SLC24A2: variants seen among roughly 807,000 people sequenced by gnomAD.
SLC24A2 encodes sodium/potassium/calcium exchanger 2.
SLC24A2 carries 36 observed loss-of-function variants against 62.0 expected under a neutral mutation model. The ratio of observed to expected loss-of-function variants is 0.58; its 90% CI spans 0.44 to 0.77. The LOEUF (loss-of-function observed/expected upper bound fraction) is 0.77, where lower values mean the gene tolerates loss of function less well. SLC24A2 is among the 30% of genes least tolerant of loss of function. SLC24A2 has a pLI of 0.00. For missense variants in SLC24A2, 846 were observed against 817.9 expected, an observed-to-expected ratio of 1.03 and a Z score of -0.42; for synonymous variants, 358 against 294.0, an observed-to-expected ratio of 1.22 and a Z score of -2.23.
the SLC24A2 span, among the ~76,000 whole-genome samples, chr9:20,247,414 G>A: frequency 6.6e-6 from 1 of 152,186 alleles, no homozygotes; most frequent in Admixed American, 6.5e-5. Flanking sequence ...CCCCTAAGGT[G>A]ATGGCATTAG....
chr9:19,818,151 G>T, the SLC24A2 span, among the ~76,000 whole-genome samples: 1 of 152,092 alleles, frequency 6.6e-6, no homozygotes, highest in South Asian at 2.1e-4. Context: ...AATACCTGGT[G>T]CATTTTAGAG....
the SLC24A2 span, among the ~76,000 whole-genome samples, chr9:20,095,365 G>C: frequency 1.3e-5 from 2 of 152,140 alleles, no homozygotes; most frequent in African/African-American, 2.4e-5. Flanking sequence ...TAGATATTTG[G>C]TCAAACATTA....
chr9:20,298,976 C>A, the SLC24A2 span, among the ~76,000 whole-genome samples: 1 of 152,154 alleles, frequency 6.6e-6, no homozygotes, highest in Non-Finnish European at 1.5e-5. Flanking sequence ...AGAGGACATG[C>A]GGCCATGGAG....
the SLC24A2 span, among the ~76,000 whole-genome samples, chr9:20,211,110 C>CAAA: frequency 6.9e-6 from 1 of 144,942 alleles, no homozygotes; most frequent in Admixed American, 6.8e-5. Context: ...GAGCTAATGG[C>CAAA]AAAAAAAAAA....
At chr9:20,057,780 C>T in the SLC24A2 span, among the ~76,000 whole-genome samples, 1 of 152,136 alleles carries the variant, frequency 6.6e-6, no homozygotes, top group South Asian at 2.1e-4. Flanking sequence ...ATTCTAGTAA[C>T]TTAAAACTGT....
At chr9:19,652,990 C>T (rs933596998) in intron 2 of SLC24A2, among the ~76,000 whole-genome samples, 11 of 152,120 alleles carry the variant, frequency 7.2e-5, no homozygotes, top group Admixed American at 1.3e-4. Context: ...GAAAAGGCAA[C>T]CCTTCCCATA....
chr9:20,083,791 G>A, the SLC24A2 span, among the ~76,000 whole-genome samples: 1 of 152,188 alleles, frequency 6.6e-6, no homozygotes, highest in East Asian at 1.9e-4. Flanking sequence ...ATTAGAGCCT[G>A]ATATAAATTG....
chr9:19,839,256 G>A, the SLC24A2 span, among the ~76,000 whole-genome samples: 3 of 152,178 alleles, frequency 2.0e-5, no homozygotes, highest in Admixed American at 2.0e-4. Flanking sequence ...TGCTGGAGAG[G>A]ATGTGGAGAA....
At chr9:20,090,235 G>A in the SLC24A2 span, among the ~76,000 whole-genome samples, 1 of 152,160 alleles carries the variant, frequency 6.6e-6, no homozygotes, top group African/African-American at 2.4e-5. Flanking sequence ...AGTGATTGCT[G>A]ACCTGAATCT....
the SLC24A2 span, among the ~76,000 whole-genome samples, chr9:19,866,898 A>G: frequency 6.6e-6 from 1 of 151,996 alleles, no homozygotes; most frequent in Non-Finnish European, 1.5e-5. Flanking sequence ...TAGAAGGCTG[A>G]TTATCAGAGG....
chr9:20,133,194 C>G, the SLC24A2 span, among the ~76,000 whole-genome samples: 1 of 151,978 alleles, frequency 6.6e-6, no homozygotes, highest in African/African-American at 2.4e-5. Context: ...TTTCCAAAAG[C>G]CAATTCCTTG....
chr9:19,754,221 G>T (rs996133087), intron 2 of SLC24A2, among the ~76,000 whole-genome samples: 3 of 152,094 alleles, frequency 2.0e-5, no homozygotes, highest in Non-Finnish European at 2.9e-5. Context: ...GCAGCCACAG[G>T]CCCTGCCCCA....
chr9:20,033,903 T>C, the SLC24A2 span, among the ~76,000 whole-genome samples: 1 of 152,214 alleles, frequency 6.6e-6, no homozygotes, highest in African/African-American at 2.4e-5. Flanking sequence ...ACTCCTTTAA[T>C]AAACTTGTTT....
At chr9:19,795,138 G>C in the SLC24A2 span, among the ~76,000 whole-genome samples, 1 of 152,202 alleles carries the variant, frequency 6.6e-6, no homozygotes, top group East Asian at 1.9e-4. Context: ...CGGTTGTGGA[G>C]AGGGGTCTCA....
the SLC24A2 span, among the ~76,000 whole-genome samples, chr9:20,138,130 A>G: frequency 6.6e-6 from 1 of 152,154 alleles, no homozygotes; most frequent in African/African-American, 2.4e-5. Context: ...CCTAACCTCT[A>G]TACACTCTAA....
chr9:20,058,735 T>C, the SLC24A2 span, among the ~76,000 whole-genome samples: 8 of 152,332 alleles, frequency 5.3e-5, no homozygotes, highest in East Asian at 1.5e-3. Context: ...CACTATACTC[T>C]CTTCTGGGCA....
chr9:19,790,838 G>A (rs978880391), upstream of SLC24A2, among the ~76,000 whole-genome samples: 2 of 152,158 alleles, frequency 1.3e-5, no homozygotes, highest in South Asian at 4.1e-4. Flanking sequence ...GCTACATGGG[G>A]TGCGGAGGGG....
chr9:19,871,151 T>G, the SLC24A2 span, among the ~76,000 whole-genome samples: 2 of 152,262 alleles, frequency 1.3e-5, no homozygotes, highest in African/African-American at 4.8e-5. Context: ...ATAAAATTTT[T>G]GGTTGGGAGT....
chr9:19,989,876 G>A, the SLC24A2 span, among the ~76,000 whole-genome samples: 1 of 152,226 alleles, frequency 6.6e-6, no homozygotes, highest in Non-Finnish European at 1.5e-5. Flanking sequence ...CACTATAGAA[G>A]CAGGTAATAG....
Sources: allele counts gnomAD v4.1 joint callset (sites outside exome capture counted in the v4.1 genomes callset), GRCh38; gene constraint gnomAD v4.1.1; transcripts MANE v1.5; gene names NCBI Gene and HGNC (gene_info 2026-07-23, HGNC 2026-07-21).